DAGLB: variants seen among roughly 807,000 people sequenced by gnomAD.
The protein encoded by DAGLB is diacylglycerol lipase-beta.
Under a neutral mutation model 72.1 loss-of-function variants are expected in DAGLB, and 66 were observed. That is an observed-to-expected ratio of 0.92 (90% CI 0.75 to 1.12). The LOEUF (loss-of-function observed/expected upper bound fraction) is 1.12. Ranked by LOEUF, DAGLB falls within the 50% of genes most tolerant of loss-of-function variation. The pLI is 0.00. For missense variants in DAGLB, 1,065 were observed against 884.9 expected, an observed-to-expected ratio of 1.20 and a Z score of -2.58; for synonymous variants, 414 against 359.5, an observed-to-expected ratio of 1.15 and a Z score of -1.71.
At chr7:6,415,095 A>G (rs1783858924) in intron 11 of DAGLB, among the ~76,000 whole-genome samples, 1 of 112,404 alleles carries the variant, frequency 8.9e-6, no homozygotes, top group South Asian at 2.9e-4. Flanking sequence ...CAGGAGGCAG[A>G]GGCTACAGCA....
intron 2 of DAGLB, 117 bp from the exon 3 acceptor site, chr7:6,436,650 T>C (rs1215860027): frequency 3.2e-6 from 4 of 1,262,468 alleles, no homozygotes; most frequent in African/African-American, 3.0e-5. Flanking sequence ...ACCCGCCTCC[T>C]GACTTTTTCT....
At chr7:6,446,864 G>C (rs1355541938) in intron 1 of DAGLB, among the ~76,000 whole-genome samples, 1 of 152,144 alleles carries the variant, frequency 6.6e-6, no homozygotes, top group Non-Finnish European at 1.5e-5. Flanking sequence ...GAAAAAGTTA[G>C]CTGGGCGTGG....
At chr7:6,445,880 T>A in intron 2 of DAGLB, 73 bp downstream of exon 2, 1 of 1,455,034 alleles carries the variant, frequency 6.9e-7, no homozygotes, top group South Asian at 1.5e-5. Flanking sequence ...AGAAGTGAAT[T>A]GTATGGTATG....
chr7:6,425,129 T>A (rs1277247991), intron 7 of DAGLB, among the ~76,000 whole-genome samples: 2 of 152,206 alleles, frequency 1.3e-5, no homozygotes, highest in East Asian at 3.9e-4. Flanking sequence ...CTCAGCAGTG[T>A]TAAAAGCTCC....
intron 8 of DAGLB, chr7:6,422,132 C>G (rs1784147563): frequency 2.5e-6 from 1 of 393,748 alleles, no homozygotes; most frequent in Admixed American, 3.4e-5. Flanking sequence ...CTGAACAAAG[C>G]CTGGTTCCCG....
rs769973748 is a variant in DAGLB at position 6,432,939 on chromosome 7, G to A, written c.699C>T (p.Ser233=). ...GCAGGGCGAGGCCCGCCGCAATGTC[G>A]CTGGGCACCAGATCTGTGTCCTGGG... ...TYFSDTDLVP[S]DIAAGLALLH... Residue 233 remains serine, a synonymous_variant, in exon 5 of 15, where the codon AGC becomes AGT. Coordinates refer to ENST00000297056, the MANE Select transcript of DAGLB (RefSeq NM_139179.4). The A allele has an allele frequency of 5.0e-6, 8 of 1,613,812 alleles. No homozygotes were observed. The highest frequency in any genetic ancestry group is 1.3e-5 in the African/African-American group (1 of 75,052).
rs749617302 is a variant in DAGLB, at chr7:6,416,970, G to T, written c.1219-49C>A. On this transcript the variant is annotated intron_variant, in intron 9 of 14. Transcript: ENST00000297056. ...GGCCGTTAATCCTCAGACAAGGCAG[G>T]CCCAGCAGAGACTCAAAGATGGGAT... 7.5e-6 allele frequency: 12 copies of T among 1,597,748 alleles called. No homozygotes were observed. In the Admixed American group the frequency reaches 2.0e-4, roughly 27 times the overall value.
intron 2 of DAGLB, among the ~76,000 whole-genome samples, chr7:6,442,316 A>C (rs1422514797): frequency 6.6e-6 from 1 of 152,180 alleles, no homozygotes; most frequent in Non-Finnish European, 1.5e-5. Flanking sequence ...AGCTCTGACC[A>C]CAAGTACATG....
chr7:6,433,047 G>C, intron 4 of DAGLB, 88 bp from the exon 5 acceptor site: 3 of 1,518,510 alleles, frequency 2.0e-6, no homozygotes, highest in Non-Finnish European at 2.6e-6. Context: ...TAGTTGATAG[G>C]CATTCACGCA....
intron 10 of DAGLB, 40 bp downstream of exon 10, chr7:6,416,801 C>A (rs2115247239): frequency 6.2e-7 from 1 of 1,614,084 alleles, no homozygotes; most frequent in Admixed American, 1.7e-5. Context: ...AACAACAGCT[C>A]CAAAGAGGAC....
At chr7:6,427,986 T>C (rs1784364383) in intron 6 of DAGLB, among the ~76,000 whole-genome samples, 1 of 152,118 alleles carries the variant, frequency 6.6e-6, no homozygotes, top group Non-Finnish European at 1.5e-5. Flanking sequence ...CAGTAAGATG[T>C]AGGGATAAAA....
Position 6,410,296 on chromosome 7 carries a change from G to T in DAGLB, c.1654C>A (p.Gln552Lys). ...NLPTELDGGD[Q>K]EVLTQPLLGE... ...AGAAGAGGCTGTGTCAGGACTTCCT[G>T]GTCGCCCCCGTCCAGCTCCGTGGGC... The change falls in exon 14 of 15, where the codon CAG becomes AAG. Residue 552 changes from glutamine to lysine, a missense_variant. Coordinates refer to ENST00000297056, the MANE Select transcript of DAGLB (RefSeq NM_139179.4). The T allele has an allele frequency of 6.2e-7, 1 of 1,613,986 alleles. No homozygotes were observed. The highest frequency in any genetic ancestry group is 8.5e-7 in the Non-Finnish European group (1 of 1,179,954).
chr7:6,422,233 A>T (rs2115258236), intron 8 of DAGLB: 2 of 331,066 alleles, frequency 6.0e-6, no homozygotes, highest in Non-Finnish European at 1.2e-5. Flanking sequence ...GAGTCAGAGG[A>T]TGGGGCACAG....
intron 2 of DAGLB, among the ~76,000 whole-genome samples, chr7:6,437,926 G>A (rs946431279): frequency 3.9e-5 from 6 of 152,170 alleles, no homozygotes; most frequent in Non-Finnish European, 7.3e-5. Flanking sequence ...ACAGGCATGA[G>A]CCACAGCACC....
At chr7:6,418,628 G>C (rs184631743) in intron 9 of DAGLB, among the ~76,000 whole-genome samples, 63 of 152,008 alleles carry the variant, frequency 4.1e-4, no homozygotes, top group African/African-American at 1.4e-3. Context: ...GATGGGAGAT[G>C]GTTTTTGATC....
intron 9 of DAGLB, among the ~76,000 whole-genome samples, chr7:6,418,488 T>C (rs901204430): frequency 1.8e-4 from 28 of 152,146 alleles, no homozygotes; most frequent in African/African-American, 6.5e-4. Flanking sequence ...GAAATGACCC[T>C]GTCAATCAAA....
intron 13 of DAGLB, among the ~76,000 whole-genome samples, chr7:6,410,592 T>C (rs889429964): frequency 3.3e-5 from 5 of 152,102 alleles, no homozygotes; most frequent in Non-Finnish European, 5.9e-5. Flanking sequence ...AGATCATGAG[T>C]GTGGGCTCTC....
chr7:6,436,734 C>T (rs1784671039), intron 2 of DAGLB, among the ~76,000 whole-genome samples: 1 of 152,072 alleles, frequency 6.6e-6, no homozygotes, highest in Non-Finnish European at 1.5e-5. Context: ...GACAAGAAGT[C>T]CTGGGCTCTT....
Position 6,447,723 on chromosome 7 carries a change from C to T in DAGLB, c.95+25G>A, listed in dbSNP as rs1324851326. The T allele has an allele frequency of 2.5e-6, 4 of 1,606,360 alleles. No homozygotes were observed. In the East Asian group the frequency reaches 6.7e-5, roughly 27 times the overall value. On this transcript the variant is annotated intron_variant, in intron 1 of 14. Transcript: ENST00000297056. ...CCCGCTCCCTCTCCGGTGGGCTCCA[C>T]CGCCCCCGTAGCCGCCGTCCTTACC... is the stretch of plus-strand genomic sequence containing the variant.
Sources: gnomAD v4.1 joint callset for allele counts (sites outside exome capture counted in the v4.1 genomes callset) on GRCh38, gnomAD v4.1.1 for gene constraint, MANE v1.5 for transcripts, NCBI Gene and HGNC (gene_info 2026-07-23, HGNC 2026-07-21) for gene names.